Variants in PCCA observed in about 807,000 individuals in gnomAD.
PCCA encodes the protein propionyl-CoA carboxylase subunit alpha.
A neutral mutation model predicts 101.3 loss-of-function variants in PCCA; 74 were observed. The observed-to-expected ratio is 0.73, with a 90% confidence interval of 0.61 to 0.89. PCCA has a LOEUF of 0.89. Ranked by LOEUF, PCCA falls within the 40% of genes least tolerant of loss-of-function variation. The pLI, the probability that PCCA is intolerant of heterozygous loss-of-function variation, is 0.00. For synonymous variants in PCCA, 294 were observed against 313.6 expected, an observed-to-expected ratio of 0.94 and a Z score of 0.66; for missense variants, 891 against 907.0, an observed-to-expected ratio of 0.98 and a Z score of 0.23.
intron 19 of PCCA, among the ~76,000 whole-genome samples, chr13:100,409,549 A>G (rs1295385036): frequency 6.6e-6 from 1 of 152,120 alleles, no homozygotes; most frequent in East Asian, 1.9e-4. Flanking sequence ...AACGGTGCAG[A>G]TGGTGAGGAC....
intron 4 of PCCA, among the ~76,000 whole-genome samples, chr13:100,151,927 A>C (rs2053374672): frequency 6.6e-6 from 1 of 152,146 alleles, no homozygotes; most frequent in South Asian, 2.1e-4. Context: ...AGCCTATGCA[A>C]TATTAAGTCA....
intron 22 of PCCA, among the ~76,000 whole-genome samples, chr13:100,519,282 T>C (rs1416915095): frequency 6.6e-6 from 1 of 152,234 alleles, no homozygotes; most frequent in African/African-American, 2.4e-5. Flanking sequence ...GGTGAAAGAA[T>C]AGATTGAAAT....
chr13:100,472,485 C>T (rs1478807021), intron 21 of PCCA, among the ~76,000 whole-genome samples: 2 of 152,110 alleles, frequency 1.3e-5, no homozygotes, highest in East Asian at 1.9e-4. Flanking sequence ...GGTTAATGCC[C>T]TTGAGAGGAG....
intron 8 of PCCA, among the ~76,000 whole-genome samples, chr13:100,247,456 T>A (rs1449812108): frequency 1.3e-5 from 2 of 151,478 alleles, no homozygotes; most frequent in Non-Finnish European, 2.9e-5. Context: ...GAGCTCATGA[T>A]CTGCCCGCCT....
At chr13:100,525,668 G>A (rs2153006365) in intron 22 of PCCA, among the ~76,000 whole-genome samples, 1 of 152,390 alleles carries the variant, frequency 6.6e-6, no homozygotes, top group South Asian at 2.1e-4. Flanking sequence ...CAGATTCTGA[G>A]CAAGGGGATG....
chr13:100,295,490 A>G (rs1477665463), intron 12 of PCCA, among the ~76,000 whole-genome samples: 1 of 152,252 alleles, frequency 6.6e-6, no homozygotes, highest in East Asian at 1.9e-4. Flanking sequence ...GTCACTTAAA[A>G]TTTTGTTAAT....
chr13:100,209,816 G>A (rs568321303), intron 7 of PCCA, among the ~76,000 whole-genome samples: 9 of 152,184 alleles, frequency 5.9e-5, no homozygotes, highest in Non-Finnish European at 2.9e-5. Context: ...ATTTTTAGTA[G>A]AGACAGGGTT....
chr13:100,302,037 A>G (rs920699115), intron 13 of PCCA, among the ~76,000 whole-genome samples: 76 of 152,132 alleles, frequency 5.0e-4, no homozygotes, highest in African/African-American at 1.8e-3. Flanking sequence ...ATTTTTCCCA[A>G]CCTTTTTTTT....
chr13:100,138,672 C>T (rs558061747), intron 4 of PCCA, among the ~76,000 whole-genome samples: 10 of 152,142 alleles, frequency 6.6e-5, no homozygotes, highest in South Asian at 4.2e-4. Context: ...CAATAGCTCA[C>T]GCCTGTAATC....
chr13:100,118,103 A>C (rs922412753), intron 4 of PCCA, among the ~76,000 whole-genome samples: 4 of 150,142 alleles, frequency 2.7e-5, no homozygotes, highest in South Asian at 4.2e-4. Flanking sequence ...GCGACAGAGC[A>C]AGACTCCATC....
intron 6 of PCCA, among the ~76,000 whole-genome samples, chr13:100,159,084 CTTTTTTTT>C (rs11350199): frequency 3.0e-3 from 176 of 58,196 alleles, no homozygotes; most frequent in African/African-American, 0.014. Flanking sequence ...AAAATGCTGC[CTTTTTTTT>C]TTTTTTTTTT....
chr13:100,505,156 A>G (rs1179799803), intron 21 of PCCA, among the ~76,000 whole-genome samples: 2 of 152,208 alleles, frequency 1.3e-5, no homozygotes, highest in Non-Finnish European at 2.9e-5. Flanking sequence ...CCCACCTCAT[A>G]TTGATCACAT....
intron 7 of PCCA, among the ~76,000 whole-genome samples, chr13:100,214,253 T>C (rs959334310): frequency 6.6e-6 from 1 of 152,028 alleles, no homozygotes; most frequent in East Asian, 1.9e-4. Flanking sequence ...TCTGTGAAGA[T>C]TGTCATTGGT....
intron 19 of PCCA, among the ~76,000 whole-genome samples, chr13:100,405,948 G>A (rs573877796): frequency 6.6e-6 from 1 of 152,002 alleles, no homozygotes; most frequent in African/African-American, 2.4e-5. Flanking sequence ...TGTACTTTTA[G>A]TAGAGACAAG....
intron 19 of PCCA, among the ~76,000 whole-genome samples, chr13:100,386,894 T>C (rs577324503): frequency 1.3e-5 from 2 of 152,346 alleles, no homozygotes; most frequent in South Asian, 2.1e-4. Context: ...TTAGTATTTT[T>C]TGAATTTTGA....
chr13:100,362,176 G>A (rs2074687837), intron 18 of PCCA, among the ~76,000 whole-genome samples: 1 of 152,158 alleles, frequency 6.6e-6, no homozygotes, highest in Non-Finnish European at 1.5e-5. Flanking sequence ...CTCAGAACAG[G>A]CAAGCATAAT....
In PCCA at chr13:100,209,585, CACAT is replaced by C; in HGVS notation, c.600+131_600+134del. The C allele has an allele frequency of 4.1e-6, 3 of 735,724 alleles. No homozygotes were observed. The South Asian group carries it at 4.4e-5, about 11-fold the overall frequency. 45.6% of individuals were successfully genotyped at this position (735,724 alleles called of 1,614,324 possible). On this transcript the variant is annotated intron_variant, in intron 7 of 23. Transcript: ENST00000376285. Reference sequence around the variant, plus strand: ...ACACACACACACACACATATGCACGCACATACATACATGTATATATGTTTAAAAA... The same window carrying C: ...ACACACACACACACACATATGCACGCACATACATGTATATATGTTTAAAAA...
chr13:100,509,448 G>A (rs1375952614), intron 21 of PCCA, among the ~76,000 whole-genome samples: 1 of 152,096 alleles, frequency 6.6e-6, no homozygotes, highest in East Asian at 1.9e-4. Flanking sequence ...TTGACTTGTG[G>A]GACGTAACAT....
At chr13:100,280,646 T>C (rs1203468679) in intron 12 of PCCA, among the ~76,000 whole-genome samples, 1 of 152,198 alleles carries the variant, frequency 6.6e-6, no homozygotes, top group Non-Finnish European at 1.5e-5. Flanking sequence ...AAAATGCTAT[T>C]TTATTGAAGT....
Sources: allele counts gnomAD v4.1 joint callset (sites outside exome capture counted in the v4.1 genomes callset), GRCh38; gene constraint gnomAD v4.1.1; transcripts MANE v1.5; gene names NCBI Gene and HGNC (gene_info 2026-07-23, HGNC 2026-07-21).